Variants in SCARA5 observed in about 807,000 individuals in gnomAD.
SCARA5 encodes the protein scavenger receptor class A member 5, also known as scavenger receptor class A, member 5 (putative).
In SCARA5, 45 loss-of-function variants were observed where a neutral mutation model predicts 46.3. The ratio of observed to expected loss-of-function variants is 0.97; its 90% CI spans 0.76 to 1.24. SCARA5 has a LOEUF of 1.24. Ranked by LOEUF, SCARA5 falls within the 50% of genes most tolerant of loss-of-function variation. SCARA5 has a pLI of 0.00. For missense variants in SCARA5, 680 were observed against 689.0 expected, an observed-to-expected ratio of 0.99 and a Z score of 0.15; for synonymous variants, 333 against 306.5, an observed-to-expected ratio of 1.09 and a Z score of -0.90.
chr8:27,922,546 T>C (rs372186747), intron 3 of SCARA5, among the ~76,000 whole-genome samples: 2 of 152,332 alleles, frequency 1.3e-5, no homozygotes, highest in East Asian at 3.9e-4. Context: ...GAAGTAATTC[T>C]AAGGTGCAGA....
intron 3 of SCARA5, among the ~76,000 whole-genome samples, chr8:27,959,882 G>A (rs1222224624): frequency 6.6e-6 from 1 of 152,136 alleles, no homozygotes; most frequent in Non-Finnish European, 1.5e-5. Context: ...TGGCTCCATC[G>A]CTCCCTCCCC....
intron 2 of SCARA5, among the ~76,000 whole-genome samples, chr8:27,969,761 G>A (rs772451729): frequency 2.0e-5 from 3 of 152,120 alleles, no homozygotes; most frequent in African/African-American, 4.8e-5. Context: ...GGTGGCAGGC[G>A]GGGTATATGG....
intron 2 of SCARA5, among the ~76,000 whole-genome samples, chr8:27,978,853 G>A (rs1191576952): frequency 6.6e-6 from 1 of 151,958 alleles, no homozygotes; most frequent in African/African-American, 2.4e-5. Context: ...ACTCTGGGGT[G>A]CCCCAGCCTC....
At chr8:27,903,586 T>A (rs1218867569) in intron 7 of SCARA5, 1 of 152,330 alleles carries the variant, frequency 6.6e-6, no homozygotes, top group Non-Finnish European at 1.5e-5. Context: ...ATGCTCTATT[T>A]GTTTTAAGTG....
At chr8:27,958,219 C>T (rs931066457) in intron 3 of SCARA5, among the ~76,000 whole-genome samples, 4 of 152,210 alleles carry the variant, frequency 2.6e-5, no homozygotes, top group Admixed American at 6.5e-5. Flanking sequence ...CCGGCTCAGG[C>T]GTGGTCAGAG....
intron 3 of SCARA5, among the ~76,000 whole-genome samples, chr8:27,960,896 C>G (rs1437367867): frequency 6.6e-6 from 1 of 152,128 alleles, no homozygotes; most frequent in Non-Finnish European, 1.5e-5. Flanking sequence ...CTCAGCTATG[C>G]TTATGTGTGT....
Position 27,879,581 on chromosome 8 carries a change from G to A in SCARA5, c.1339C>T (p.Arg447Ter), listed in dbSNP as rs757065594. 3.1e-6 allele frequency: 5 copies of A among 1,607,802 alleles called. No homozygotes were observed. The African/African-American group carries it at 5.3e-5, about 17-fold the overall frequency. Residue 447 changes from arginine to a stop codon, truncating the protein, a stop_gained, in exon 8 of 9, where the codon CGA becomes TGA. Transcript: ENST00000354914. LOFTEE classifies it high-confidence loss of function. Reference protein sequence around the residue: ...RGVEEVYRTARFGQGTGRIWM... With the variant: ...RGVEEVYRTA ...CAGAGCGCCTTACCTTGCCCGAATC[G>A]AGCTGTGCGGTACACCTCCTCCACA... is the stretch of plus-strand genomic sequence containing the variant.
At chr8:27,906,344 G>T (rs922252271) in intron 6 of SCARA5, among the ~76,000 whole-genome samples, 11 of 152,260 alleles carry the variant, frequency 7.2e-5, no homozygotes, top group Non-Finnish European at 5.9e-5. Context: ...GTAAAAGTAG[G>T]TTCCCCTAAC....
At chr8:27,931,789 G>C (rs117194364) in intron 3 of SCARA5, among the ~76,000 whole-genome samples, 2,162 of 151,796 alleles carry the variant, frequency 0.014, 44 homozygotes, top group African/African-American at 0.048. Context: ...AGAGTAGCTG[G>C]GACTACATGC....
chr8:27,975,593 C>A (rs1808510688), intron 2 of SCARA5, among the ~76,000 whole-genome samples: 1 of 152,208 alleles, frequency 6.6e-6, no homozygotes, highest in Admixed American at 6.5e-5. Context: ...CGTTAGAGAA[C>A]CCACTGCAGA....
chr8:27,933,813 C>T (rs1484571974), intron 3 of SCARA5, among the ~76,000 whole-genome samples: 1 of 152,040 alleles, frequency 6.6e-6, no homozygotes, highest in Non-Finnish European at 1.5e-5. Flanking sequence ...AATGTGTCCC[C>T]TTGAGGGACT....
intron 7 of SCARA5, among the ~76,000 whole-genome samples, chr8:27,894,998 A>G (rs1807041246): frequency 6.6e-6 from 1 of 152,114 alleles, no homozygotes; most frequent in Non-Finnish European, 1.5e-5. Context: ...ACCAGAAGGG[A>G]CCTAAAGTCC....
intron 2 of SCARA5, among the ~76,000 whole-genome samples, chr8:27,971,429 C>T (rs1179899793): frequency 1.3e-5 from 2 of 152,192 alleles, no homozygotes; most frequent in Non-Finnish European, 2.9e-5. Context: ...AAAACAGTGA[C>T]TTTAAGGAGC....
At chr8:27,912,941 G>A (rs1309776140) in intron 4 of SCARA5, among the ~76,000 whole-genome samples, 1 of 152,218 alleles carries the variant, frequency 6.6e-6, no homozygotes, top group East Asian at 1.9e-4. Context: ...AGTGAGGACT[G>A]AGTGGATTCA....
At chr8:27,917,781 ATTAG>A (rs1563524606) in intron 4 of SCARA5, among the ~76,000 whole-genome samples, 2 of 152,324 alleles carry the variant, frequency 1.3e-5, no homozygotes, top group African/African-American at 2.4e-5. Flanking sequence ...ATTTAATACT[ATTAG>A]TTAGTTCCTG....
chr8:27,908,622 T>TC (rs1563520864), intron 5 of SCARA5, among the ~76,000 whole-genome samples: 1 of 152,170 alleles, frequency 6.6e-6, no homozygotes, highest in Non-Finnish European at 1.5e-5. Flanking sequence ...TGATTGGGTT[T>TC]CCTCCTTTTC....
At chr8:27,966,736 C>A (rs1035865567) in intron 2 of SCARA5, among the ~76,000 whole-genome samples, 194 bp from the exon 3 acceptor site, 1 of 152,202 alleles carries the variant, frequency 6.6e-6, no homozygotes, top group African/African-American at 2.4e-5. Flanking sequence ...CTCTAGCTCT[C>A]CTCCCACTCT....
At chr8:27,874,704 G>T (rs1806695098) in intron 8 of SCARA5, among the ~76,000 whole-genome samples, 1 of 152,220 alleles carries the variant, frequency 6.6e-6, no homozygotes, top group East Asian at 1.9e-4. Flanking sequence ...ACAAGAGGAG[G>T]TAATAATGCA....
chr8:27,986,468 C>T, intron 2 of SCARA5, among the ~76,000 whole-genome samples: 1 of 152,074 alleles, frequency 6.6e-6, no homozygotes, highest in Non-Finnish European at 1.5e-5. Flanking sequence ...GGCTGCTCAC[C>T]CTGGCCTGAC....
Sources: gnomAD v4.1 joint callset for allele counts (sites outside exome capture counted in the v4.1 genomes callset) on GRCh38, gnomAD v4.1.1 for gene constraint, MANE v1.5 for transcripts, NCBI Gene and HGNC (gene_info 2026-07-23, HGNC 2026-07-21) for gene names.